SLC5A10: variants seen among roughly 807,000 people sequenced by gnomAD.
SLC5A10 encodes solute carrier family 5 member 10.
Under a neutral mutation model 68.9 loss-of-function variants are expected in SLC5A10, and 55 were observed. The ratio of observed to expected loss-of-function variants is 0.80; its 90% CI spans 0.64 to 1.00. SLC5A10 has a LOEUF of 1.00. SLC5A10 is among the 50% of genes least tolerant of loss of function. SLC5A10 has a pLI of 0.00. For synonymous variants in SLC5A10, 344 were observed against 344.8 expected (o/e 1.00, Z 0.02); for missense variants, 732 against 819.3 (o/e 0.89, Z 1.30).
Position 18,971,733 on chromosome 17 carries a change from GATGA to G in SLC5A10, c.846+517_846+520del. On this transcript the variant is annotated intron_variant, in intron 8 of 14. Transcript: ENST00000395645. The surrounding 1 kb of genome is among the most constrained non-coding windows in gnomAD (Gnocchi z 5.5). ...GTCCCTGAGGCAGGGACCCTGTGAT[GATGA>G]AACTGCTGGCCCTGGGAGAGAGAGA... is the stretch of plus-strand genomic sequence containing the variant. 2 of 1,571,400 alleles carry G rather than the reference GATGA, an allele frequency of 1.3e-6. No individual in the cohort carries two copies. The highest frequency in any genetic ancestry group is 8.6e-7 in the Non-Finnish European group (1 of 1,156,850).
chr17:19,004,232 CG>C lies in SLC5A10; in HGVS notation c.983-9173del. 1 of 123,186 alleles carries C rather than the reference CG, an allele frequency of 8.1e-6. No homozygotes were observed. Among genetic ancestry groups the C allele is most frequent in the South Asian group, 9.9e-5 (1 of 10,120 alleles). 7.6% of individuals were successfully genotyped at this position (123,186 alleles called of 1,614,324 possible). ...GGGCGGGCCGCGCGGGGAGGGGCGG[CG>C]GGGGCGGGGCCGGGAACTCAGGTGG... On this transcript the variant is annotated intron_variant, in intron 9 of 14. Transcript: ENST00000395645. This position sits in a 1 kb window ranked among gnomAD's most constrained non-coding sequence, Gnocchi z 5.4.
At chr17:18,978,336 T>C (rs1420270193) in intron 9 of SLC5A10, 13 of 1,605,548 alleles carry the variant, frequency 8.1e-6, no homozygotes, top group Non-Finnish European at 1.1e-5. Flanking sequence ...ATGCGGTTCA[T>C]CTGGCTGGGC....
chr17:18,980,451 C>T (rs985942857), intron 9 of SLC5A10, among the ~76,000 whole-genome samples: 8 of 152,252 alleles, frequency 5.3e-5, no homozygotes, highest in Admixed American at 5.2e-4. Flanking sequence ...AGGAGCACAG[C>T]GGGCCCCTCA....
At chr17:18,951,528 G>A (rs1475941775), upstream of SLC5A10, 1 of 16,824 alleles carries the variant, frequency 5.9e-5, no homozygotes, top group Non-Finnish European at 1.2e-4. Flanking sequence ...TCCCTCTGTG[G>A]TCCCAGGCAG....
upstream of SLC5A10, among the ~76,000 whole-genome samples, chr17:18,951,296 G>A (rs980089064): frequency 1.3e-5 from 2 of 152,242 alleles, no homozygotes; most frequent in African/African-American, 4.8e-5. Context: ...TCACTGCGGT[G>A]GAGACGGTGG....
In SLC5A10 at chr17:19,021,952, G is replaced by C. The variant is rs1282007611; in HGVS notation, c.*1521G>C. On this transcript the variant is annotated 3_prime_UTR_variant, in exon 15 of 15. Coordinates refer to ENST00000395645, the MANE Select transcript of SLC5A10 (RefSeq NM_001042450.4). This position sits in a 1 kb window ranked among gnomAD's most constrained non-coding sequence, Gnocchi z 4.1. The stretch of plus-strand genomic sequence containing the variant: ...AGGCCCGTTGGCCAGATCGGCCGCC[G>C]GGCTGCTCACAGGTGCACGGGCTGC... 4.0e-6 allele frequency: 6 copies of C among 1,515,334 alleles called. No individual in the cohort carries two copies. Among genetic ancestry groups the C allele is most frequent in the Non-Finnish European group, 5.3e-6 (6 of 1,132,720 alleles). 93.9% of individuals were successfully genotyped at this position (1,515,334 alleles called of 1,614,324 possible).
chr17:18,960,399 C>T, intron 4 of SLC5A10, 149 bp from the exon 5 acceptor site: 1 of 702,060 alleles, frequency 1.4e-6, no homozygotes, highest in Non-Finnish European at 2.5e-6. Flanking sequence ...GGTGCTGGGG[C>T]TGTAAGGGGT....
intron 5 of SLC5A10, among the ~76,000 whole-genome samples, chr17:18,961,868 A>G (rs2257609): frequency 0.58 from 88,843 of 151,944 alleles, 26,487 homozygotes; most frequent in African/African-American, 0.7. Flanking sequence ...CTCTGAGGGG[A>G]TTCCCAGAGT....
In SLC5A10 at chr17:19,003,494, C is replaced by T; in HGVS notation, c.983-9916C>T. ...GGTCCGGTGGCTGGTTGGGCCATGG[C>T]TCCAGGAGTCCCCGCGCTGCCTCAC... is the stretch of plus-strand genomic sequence containing the variant. On this transcript the variant is annotated intron_variant, in intron 9 of 14. Transcript: ENST00000395645. The surrounding 1 kb of genome is among the most constrained non-coding windows in gnomAD (Gnocchi z 4.5). The T allele has an allele frequency of 1.3e-6, 2 of 1,514,726 alleles. No homozygotes were observed. Among genetic ancestry groups the T allele is most frequent in the Non-Finnish European group, 1.8e-6 (2 of 1,131,034 alleles). 93.8% of individuals were successfully genotyped at this position (1,514,726 alleles called of 1,614,324 possible).
chr17:18,983,531 G>A lies in SLC5A10; in HGVS notation c.982+6542G>A, dbSNP rs2043189948. Among the ~76,000 whole-genome samples, 3 of 152,214 alleles carry A rather than the reference G, an allele frequency of 2.0e-5. No homozygotes were observed. The South Asian group carries it at 6.2e-4, about 32-fold the overall frequency. Reference sequence around the variant, plus strand: ...GAGTAGAGGCCCGGTAGAGCAGTGGGGAGGTCCAGAGATGCATCCTTGACC... The same window carrying A: ...GAGTAGAGGCCCGGTAGAGCAGTGGAGAGGTCCAGAGATGCATCCTTGACC... On this transcript the variant is annotated intron_variant, in intron 9 of 14. Coordinates refer to ENST00000395645, the MANE Select transcript of SLC5A10 (RefSeq NM_001042450.4).
intron 9 of SLC5A10, among the ~76,000 whole-genome samples, chr17:19,008,816 T>TTATTA (rs1567810636): frequency 5.7e-5 from 7 of 122,140 alleles, no homozygotes; most frequent in East Asian, 2.3e-4. Flanking sequence ...TATTATTATT[T>TTATTA]TTTTTTTTTT....
chr17:18,962,067 C>T (rs1490563164), intron 5 of SLC5A10, among the ~76,000 whole-genome samples: 2 of 152,200 alleles, frequency 1.3e-5, no homozygotes, highest in Admixed American at 1.3e-4. Context: ...ACTCTTCCTT[C>T]CTCTCCCACA....
intron 9 of SLC5A10, 167 bp from the exon 10 acceptor site, chr17:19,013,243 C>A: frequency 1.9e-6 from 2 of 1,047,020 alleles, no homozygotes; most frequent in East Asian, 2.9e-5. Flanking sequence ...GAGGCCATGC[C>A]CTCCCTGTGG....
At chr17:18,967,411 G>T (rs1442307937) in intron 5 of SLC5A10, among the ~76,000 whole-genome samples, 1 of 152,236 alleles carries the variant, frequency 6.6e-6, no homozygotes, top group African/African-American at 2.4e-5. Context: ...AGAGGGGCTG[G>T]CACGGCTGTG....
intron 9 of SLC5A10, among the ~76,000 whole-genome samples, chr17:19,010,215 G>T (rs984772690): frequency 6.6e-6 from 1 of 152,156 alleles, no homozygotes; most frequent in Non-Finnish European, 1.5e-5. Flanking sequence ...AGGAGGCACA[G>T]CAAGGAGGTA....
At chr17:18,984,963 C>T (rs539757841) in intron 9 of SLC5A10, among the ~76,000 whole-genome samples, 2 of 152,354 alleles carry the variant, frequency 1.3e-5, no homozygotes, top group South Asian at 2.1e-4. Flanking sequence ...CACTGGTGCA[C>T]GCTGCTCCCA....
chr17:19,004,272 G>A lies in SLC5A10; in HGVS notation c.983-9138G>A, dbSNP rs931248010. 9.7e-6 allele frequency: 5 copies of A among 515,196 alleles called. No individual in the cohort carries two copies. The highest frequency in any genetic ancestry group is 1.7e-5 in the Non-Finnish European group (5 of 293,182). 31.9% of individuals were successfully genotyped at this position (515,196 alleles called of 1,614,324 possible). ...GAACTCAGGTGGGCGTGGGAAGGAC[G>A]GGGCTGGGGCTGGGGCTGGGAAGAT... On this transcript the variant is annotated intron_variant, in intron 9 of 14. Transcript: ENST00000395645. The surrounding 1 kb of genome is among the most constrained non-coding windows in gnomAD (Gnocchi z 5.4).
chr17:18,954,160 C>T (rs1458866330), intron 1 of SLC5A10: 1 of 152,278 alleles, frequency 6.6e-6, no homozygotes, highest in African/African-American at 2.4e-5. Flanking sequence ...ATTCCTGTGA[C>T]AGTTGGTGGC....
rs774325073 is a variant in SLC5A10 at position 19,022,018 on chromosome 17, G to T, written c.*1587G>T. The T allele has an allele frequency of 3.4e-5, 55 of 1,597,756 alleles. No homozygotes were observed. The highest frequency in any genetic ancestry group is 4.7e-5 in the Non-Finnish European group (55 of 1,173,196). On this transcript the variant is annotated 3_prime_UTR_variant, in exon 15 of 15. Coordinates refer to ENST00000395645, the MANE Select transcript of SLC5A10 (RefSeq NM_001042450.4). ...AAGAAGCCAACGCGCCCGCAGGACC[G>T]GCCCCGCCACCAGTGGGGGTCTGGG...
Sources: allele counts gnomAD v4.1 joint callset (sites outside exome capture counted in the v4.1 genomes callset), GRCh38; gene constraint gnomAD v4.1.1; non-coding constraint Gnocchi (gnomAD v3.1); transcripts MANE v1.5; gene names NCBI Gene and HGNC (gene_info 2026-07-23, HGNC 2026-07-21).